Variants in GPR137B observed in about 807,000 individuals in gnomAD.
GPR137B encodes integral membrane protein GPR137B.
Under a neutral mutation model 42.5 loss-of-function variants are expected in GPR137B, and 42 were observed. The observed-to-expected ratio is 0.99, with a 90% CI of 0.77 to 1.28. The LOEUF (loss-of-function observed/expected upper bound fraction) is 1.28. Ranked by LOEUF, GPR137B falls within the 50% of genes most tolerant of loss-of-function variation. The pLI is 0.00. For missense variants in GPR137B, 487 were observed against 493.9 expected (o/e 0.99, Z 0.13); for synonymous variants, 218 against 209.7 (o/e 1.04, Z -0.34).
intron 1 of GPR137B, among the ~76,000 whole-genome samples, chr1:236,153,478 A>G (rs1389539325): frequency 6.6e-6 from 1 of 152,230 alleles, no homozygotes; most frequent in Non-Finnish European, 1.5e-5. Flanking sequence ...GTTAAATAAT[A>G]TTGTGCTGCA....
At chr1:236,147,072 G>T (rs550272059) in intron 1 of GPR137B, among the ~76,000 whole-genome samples, 14 of 152,320 alleles carry the variant, frequency 9.2e-5, no homozygotes, top group African/African-American at 3.4e-4. Context: ...GCTTCCCAAA[G>T]TGCTGGGATT....
chr1:236,202,619 T>C (rs1174445551), intron 5 of GPR137B, among the ~76,000 whole-genome samples: 1 of 152,032 alleles, frequency 6.6e-6, no homozygotes, highest in African/African-American at 2.4e-5. Context: ...AGTATTTATA[T>C]GTAAATAGAA....
At chr1:236,180,826 C>T (rs1324226308) in intron 4 of GPR137B, among the ~76,000 whole-genome samples, 2 of 152,084 alleles carry the variant, frequency 1.3e-5, no homozygotes, top group African/African-American at 4.8e-5. Flanking sequence ...CCATGTTGGC[C>T]AGGCTGGTCT....
chr1:236,146,708 T>C (rs1469692385), intron 1 of GPR137B, among the ~76,000 whole-genome samples: 3 of 152,236 alleles, frequency 2.0e-5, no homozygotes, highest in Non-Finnish European at 2.9e-5. Flanking sequence ...ATGAGCAAGC[T>C]CAATTTGATT....
chr1:236,146,222 C>G (rs748871786), intron 1 of GPR137B, among the ~76,000 whole-genome samples: 1 of 152,150 alleles, frequency 6.6e-6, no homozygotes, highest in Non-Finnish European at 1.5e-5. Flanking sequence ...TCTCCTGGAG[C>G]GCAAAATCAG....
rs140228768 is a variant in GPR137B, at chr1:236,150,027, C to CTG, written c.414+7004_414+7005dup. 7.3e-3 allele frequency among the ~76,000 whole-genome samples: 984 copies of CTG among 134,002 alleles called. 9 individuals carry two copies. Among genetic ancestry groups the CTG allele is most frequent in the African/African-American group, 0.025 (885 of 35,362 alleles). 87.9% of individuals were successfully genotyped at this position (134,002 alleles called of 152,430 possible). Reference sequence around the variant, plus strand: ...CCTGTGTGTGTGCCTGTGTGTGTACCTGTGTGTGTGTGTGCCTGCCTCTGT... The same window carrying CTG: ...CCTGTGTGTGTGCCTGTGTGTGTACCTGTGTGTGTGTGTGTGCCTGCCTCTGT... On this transcript the variant is annotated intron_variant, in intron 1 of 6. Coordinates refer to ENST00000366592, the MANE Select transcript of GPR137B (RefSeq NM_003272.4). This position sits in a 1 kb window ranked among gnomAD's most constrained non-coding sequence, Gnocchi z 6.2.
Position 236,150,664 on chromosome 1 carries a change from C to T in GPR137B, c.414+7628C>T, listed in dbSNP as rs187279300. Among the ~76,000 whole-genome samples the T allele has an allele frequency of 2.2e-3, 338 of 152,316 alleles. 1 individual carries two copies. Among genetic ancestry groups the T allele is most frequent in the African/African-American group, 7.4e-3 (306 of 41,570 alleles). On this transcript the variant is annotated intron_variant, in intron 1 of 6. Transcript: ENST00000366592. This position sits in a 1 kb window ranked among gnomAD's most constrained non-coding sequence, Gnocchi z 6.2. ...GCAGAGGCTGGGCTGAGGCTGCTGC[C>T]GGGTCACCATCAGGAGCGCCCTACT...
chr1:236,154,579 G>T (rs1661961677), intron 1 of GPR137B, among the ~76,000 whole-genome samples: 1 of 151,522 alleles, frequency 6.6e-6, no homozygotes, highest in African/African-American at 2.4e-5. Context: ...CCTCGAGGAG[G>T]CCAGATGGTC....
rs545730882 is a variant in GPR137B at position 236,143,103 on chromosome 1, A to AG, written c.414+71dup. 1.7e-4 allele frequency: 243 copies of AG among 1,418,920 alleles called. No individual in the cohort carries two copies. The African/African-American group carries it at 3.2e-3, about 19-fold the overall frequency. The allele number at this position is 1,418,920 out of a possible 1,614,324, so 87.9% of individuals were successfully genotyped here. On this transcript the variant is annotated intron_variant, in intron 1 of 6. Coordinates refer to ENST00000366592, the MANE Select transcript of GPR137B (RefSeq NM_003272.4). ...GTGGTCCCCGCGGGGCGCCCGAGGC[A>AG]GGGGCGATGGCAGCCGCGGGGGCGG...
chr1:236,159,671 C>G (rs1217278385), intron 1 of GPR137B, among the ~76,000 whole-genome samples: 1 of 151,862 alleles, frequency 6.6e-6, no homozygotes, highest in African/African-American at 2.4e-5. Flanking sequence ...AGGGTGGGAA[C>G]AAATCAGTGA....
chr1:236,188,617 A>G lies in GPR137B; in HGVS notation c.966+4711A>G, dbSNP rs149746874. ...ATTGGTTCTGTTTATGTGATGGATTACGTTTATTGATTTGTGTATGTCGAA... is the reference window on the plus strand; with the variant it reads ...ATTGGTTCTGTTTATGTGATGGATTGCGTTTATTGATTTGTGTATGTCGAA... On this transcript the variant is annotated intron_variant, in intron 5 of 6. Coordinates refer to ENST00000366592, the MANE Select transcript of GPR137B (RefSeq NM_003272.4). 8.8e-3 allele frequency among the ~76,000 whole-genome samples: 1,339 copies of G among 152,306 alleles called. 24 individuals are homozygous for G. The highest frequency in any genetic ancestry group is 0.029 in the African/African-American group (1,200 of 41,576).
intron 2 of GPR137B, among the ~76,000 whole-genome samples, chr1:236,174,810 G>A (rs981371867): frequency 6.6e-6 from 1 of 152,094 alleles, no homozygotes; most frequent in Non-Finnish European, 1.5e-5. Context: ...TTGCATCACT[G>A]TACTCCAGCC....
intron 1 of GPR137B, among the ~76,000 whole-genome samples, chr1:236,153,127 A>C (rs1571962053): frequency 6.6e-6 from 1 of 152,280 alleles, no homozygotes; most frequent in East Asian, 1.9e-4. Flanking sequence ...ATTGAAGCAA[A>C]ATTGACACAA....
intron 2 of GPR137B, among the ~76,000 whole-genome samples, chr1:236,177,557 T>C (rs1662722208): frequency 9.5e-6 from 1 of 105,684 alleles, no homozygotes; most frequent in Non-Finnish European, 1.7e-5. Flanking sequence ...TTTTTGTTTT[T>C]GTTTTTGTTT....
chr1:236,142,638 C>T lies in GPR137B; in HGVS notation c.16C>T (p.Pro6Ser), dbSNP rs539406117. Residue 6 changes from proline (P) to serine (S), a missense_variant, in exon 1 of 7, where the codon CCC (proline) becomes TCC (serine). Coordinates refer to ENST00000366592, the MANE Select transcript of GPR137B (RefSeq NM_003272.4). ...GTGAGCCCCGATGAGGCCCGAGCGT[C>T]CCCGGCCGCGCGGCAGCGCCCCCGG... MRPER[P>S]RPRGSAPGPM... 293 of 1,489,132 alleles carry T rather than the reference C, an allele frequency of 2.0e-4. No individual in the cohort carries two copies. The South Asian group carries it at 2.3e-3, about 12-fold the overall frequency. The allele number at this position is 1,489,132 out of a possible 1,614,324, so 92.2% of individuals were successfully genotyped here.
intron 1 of GPR137B, among the ~76,000 whole-genome samples, chr1:236,146,217 T>G (rs1476399): frequency 3.3e-5 from 5 of 152,014 alleles, no homozygotes; most frequent in Admixed American, 6.6e-5. Flanking sequence ...CGTGTTCTCC[T>G]GGAGCGCAAA....
intron 2 of GPR137B, among the ~76,000 whole-genome samples, chr1:236,173,263 C>T (rs1312753021): frequency 4.1e-5 from 6 of 147,110 alleles, no homozygotes; most frequent in South Asian, 2.2e-4. Context: ...TGCTCTCCAG[C>T]CTGGGTGACA....
chr1:236,163,208 A>G (rs567139439), intron 1 of GPR137B, among the ~76,000 whole-genome samples: 1 of 152,304 alleles, frequency 6.6e-6, no homozygotes, highest in Admixed American at 6.5e-5. Context: ...TGGGCCCTGT[A>G]ACCACTTTGT....
chr1:236,161,600 G>C (rs1003541460), intron 1 of GPR137B, among the ~76,000 whole-genome samples: 2 of 151,910 alleles, frequency 1.3e-5, no homozygotes, highest in African/African-American at 4.8e-5. Flanking sequence ...AACTTGAATT[G>C]TATCTCCCAG....
Sources: allele counts gnomAD v4.1 joint callset (sites outside exome capture counted in the v4.1 genomes callset), GRCh38; gene constraint gnomAD v4.1.1; non-coding constraint Gnocchi (gnomAD v3.1); transcripts MANE v1.5; gene names NCBI Gene and HGNC (gene_info 2026-07-23, HGNC 2026-07-21).